TET3: variants seen among roughly 807,000 people sequenced by gnomAD.
TET3 encodes the protein methylcytosine dioxygenase TET3.
Under a neutral mutation model 141.4 loss-of-function variants are expected in TET3, and 19 were observed. The ratio of observed to expected loss-of-function variants is 0.13; its 90% CI spans 0.09 to 0.20. TET3 has a LOEUF of 0.20. TET3 is among the 10% of genes least tolerant of loss of function. The probability of loss-of-function intolerance (pLI) is 1.00; values close to 1 mark genes in which losing one functional copy is unlikely to be tolerated. For missense variants in TET3, 1,874 were observed against 2,356.9 expected (o/e 0.80, Z 4.24); for synonymous variants, 1,043 against 980.9 (o/e 1.06, Z -1.18).
At chr2:74,125,978 C>G in the TET3 span, among the ~76,000 whole-genome samples, 1 of 152,184 alleles carries the variant, frequency 6.6e-6, no homozygotes, top group African/African-American at 2.4e-5. Flanking sequence ...CCAGGCTGGT[C>G]TTGAACTTGT....
intron 3 of TET3, among the ~76,000 whole-genome samples, chr2:74,031,363 C>T (rs527637947): frequency 6.6e-6 from 1 of 152,266 alleles, no homozygotes; most frequent in East Asian, 1.9e-4. Context: ...TTCCTCATCA[C>T]CCCGACTCTC....
intron 10 of TET3, among the ~76,000 whole-genome samples, chr2:74,098,989 A>C (rs1485426397): frequency 6.6e-6 from 1 of 152,226 alleles, no homozygotes; most frequent in Non-Finnish European, 1.5e-5. Flanking sequence ...GCAAGCCTCC[A>C]GGTCCTGGCC....
At chr2:74,118,607 A>G in the TET3 span, among the ~76,000 whole-genome samples, 1 of 152,202 alleles carries the variant, frequency 6.6e-6, no homozygotes, top group Non-Finnish European at 1.5e-5. Context: ...GTCAAAATGT[A>G]TATGTGGGTT....
chr2:74,020,848 C>G (rs1300719761), intron 3 of TET3, among the ~76,000 whole-genome samples: 3 of 152,214 alleles, frequency 2.0e-5, no homozygotes, highest in Non-Finnish European at 4.4e-5. Context: ...AGTTGTGCAT[C>G]TGGTTCAGCG....
At chr2:74,114,853 C>CAAAAAAAAAAAAA in the TET3 span, among the ~76,000 whole-genome samples, 292 of 43,808 alleles carry the variant, frequency 6.7e-3, 41 homozygotes, top group South Asian at 0.021. Context: ...GACTCTGTCT[C>CAAAAAAAAAAAAA]AAAAAAAAAA....
At chr2:74,060,599 A>G (rs550828892) in intron 4 of TET3, among the ~76,000 whole-genome samples, 2 of 152,102 alleles carry the variant, frequency 1.3e-5, no homozygotes, top group South Asian at 4.2e-4. Flanking sequence ...TCATAGGACA[A>G]TAGTGGAGGG....
intron 4 of TET3, among the ~76,000 whole-genome samples, chr2:74,070,755 A>C (rs568138834): frequency 1.3e-5 from 2 of 152,130 alleles, no homozygotes; most frequent in Non-Finnish European, 2.9e-5. Flanking sequence ...AGGCAGATAG[A>C]TTGAGCCCGG....
chr2:74,009,793 G>T (rs1422784743), intron 3 of TET3, among the ~76,000 whole-genome samples: 2 of 152,230 alleles, frequency 1.3e-5, no homozygotes, highest in Non-Finnish European at 2.9e-5. Flanking sequence ...CAGGGAATGT[G>T]TAAGATGCCA....
At chr2:74,024,482 G>A (rs539560107) in intron 3 of TET3, among the ~76,000 whole-genome samples, 1 of 152,130 alleles carries the variant, frequency 6.6e-6, no homozygotes, top group Admixed American at 6.5e-5. Flanking sequence ...GACCATCCAG[G>A]CGGCCCCCTT....
Position 74,102,224 on chromosome 2 carries a change from C to T in TET3, c.*48C>T. 7.2e-7 allele frequency: 1 copy of T among 1,396,262 alleles called. No homozygotes were observed. The allele number at this position is 1,396,262 out of a possible 1,614,324, so 86.5% of individuals were successfully genotyped here. ...CAGCGTCGGGCCTGGCCCGAGCTGT[C>T]TCTGTGGTGCTTTTGCCCTCATACC... is the stretch of plus-strand genomic sequence containing the variant. On this transcript the variant is annotated 3_prime_UTR_variant, in exon 12 of 12. Transcript: ENST00000409262.
Position 74,086,777 on chromosome 2 carries a change from T to TAAG in TET3, c.2680-1051_2680-1049dup, listed in dbSNP as rs1690180986. Among the ~76,000 whole-genome samples the TAAG allele has an allele frequency of 3.3e-5, 4 of 119,654 alleles. No individual in the cohort carries two copies. In the South Asian group the frequency reaches 1.0e-3, roughly 30 times the overall value. The allele number at this position is 119,654 out of a possible 152,430, so 78.5% of individuals were successfully genotyped here. A position where few individuals can be genotyped will look rare whatever the true frequency, so the allele number is the denominator to read the frequency against. On this transcript the variant is annotated intron_variant, in intron 6 of 11. Coordinates refer to ENST00000409262, the MANE Select transcript of TET3 (RefSeq NM_001287491.2). ...CTGTACTCCAGCCTGGGCAACAGAG[T>TAAG]AAGACCCTGACTCTAAAAAAAAAAA... is the stretch of plus-strand genomic sequence containing the variant.
At chr2:74,130,191 GAAAA>G in the TET3 span, among the ~76,000 whole-genome samples, 2 of 151,752 alleles carry the variant, frequency 1.3e-5, no homozygotes, top group Non-Finnish European at 2.9e-5. Context: ...TATTGCAAAA[GAAAA>G]GAACCCGTCG....
the TET3 span, among the ~76,000 whole-genome samples, chr2:74,114,856 A>AAAAAAAAAAAAAAAAC: frequency 6.9e-6 from 1 of 145,820 alleles, no homozygotes. Context: ...TCTGTCTCAA[A>AAAAAAAAAAAAAAAAC]AAAAAAAAAA....
At chr2:74,079,897 G>A (rs1689709538) in intron 5 of TET3, among the ~76,000 whole-genome samples, 1 of 152,160 alleles carries the variant, frequency 6.6e-6, no homozygotes, top group Admixed American at 6.5e-5. Context: ...AGAGAGCTGG[G>A]GTTCTGAAGC....
intron 4 of TET3, among the ~76,000 whole-genome samples, chr2:74,071,127 A>G (rs574624012): frequency 1.4e-3 from 218 of 152,248 alleles, no homozygotes; most frequent in African/African-American, 5.2e-3. Flanking sequence ...TCCTCGCTAT[A>G]TCTTCACATA....
At chr2:73,997,239 G>C (rs903222148) in intron 2 of TET3, among the ~76,000 whole-genome samples, 2 of 152,216 alleles carry the variant, frequency 1.3e-5, no homozygotes, top group African/African-American at 2.4e-5. Flanking sequence ...GAGATGCTGG[G>C]TCAAAAAGAA....
Position 74,003,184 on chromosome 2 carries a change from G to A in TET3, c.360+18G>A. 6 of 1,232,338 alleles carry A rather than the reference G, an allele frequency of 4.9e-6. No homozygotes were observed. In the South Asian group the frequency reaches 6.5e-5, roughly 13 times the overall value. The allele number at this position is 1,232,338 out of a possible 1,614,324, so 76.3% of individuals were successfully genotyped here. A position where few individuals can be genotyped will look rare whatever the true frequency, so the allele number is the denominator to read the frequency against. On this transcript the variant is annotated intron_variant, in intron 3 of 11. Transcript: ENST00000409262. ...CTGTCAAGGTACCTTGTGTGTGTGC[G>A]TGCGTGTGTGTGCGTGTGTGTGGTG...
intron 7 of TET3, 83 bp downstream of exon 7, chr2:74,088,121 G>T: frequency 7.1e-7 from 1 of 1,415,574 alleles, no homozygotes; most frequent in Non-Finnish European, 9.5e-7. Flanking sequence ...CAACCCTGGG[G>T]AAGGCTCCTA....
the TET3 span, among the ~76,000 whole-genome samples, chr2:74,115,437 G>A: frequency 1.1e-4 from 16 of 152,100 alleles, no homozygotes; most frequent in African/African-American, 1.7e-4. Context: ...GATGGGAGAC[G>A]ACACGGAATG....
Sources: gnomAD v4.1 joint callset for allele counts (sites outside exome capture counted in the v4.1 genomes callset) on GRCh38, gnomAD v4.1.1 for gene constraint, MANE v1.5 for transcripts, NCBI Gene and HGNC (gene_info 2026-07-23, HGNC 2026-07-21) for gene names.